HIF3A: variants seen among roughly 807,000 people sequenced by gnomAD.
HIF3A encodes the protein hypoxia-inducible factor 3-alpha.
Under a neutral mutation model 67.2 loss-of-function variants are expected in HIF3A, and 41 were observed. The ratio of observed to expected loss-of-function variants is 0.61; its 90% CI spans 0.48 to 0.79. The LOEUF is 0.79. HIF3A is among the 30% of genes least tolerant of loss of function. HIF3A has a pLI of 0.00. For synonymous variants in HIF3A, 356 were observed against 374.8 expected (o/e 0.95, Z 0.58); for missense variants, 855 against 898.0 (o/e 0.95, Z 0.61).
intron 10 of HIF3A, among the ~76,000 whole-genome samples, 162 bp downstream of exon 10, chr19:46,322,128 A>G (rs568986695): frequency 6.6e-6 from 1 of 152,144 alleles, no homozygotes. Flanking sequence ...TAAGACGCAG[A>G]TCCAGATTTT....
chr19:46,338,558 G>C (rs1460711133), intron 14 of HIF3A: 2 of 1,103,554 alleles, frequency 1.8e-6, no homozygotes, highest in East Asian at 9.1e-5. Flanking sequence ...TGAGTATCCT[G>C]GTTTCCCAAG....
intron 12 of HIF3A, among the ~76,000 whole-genome samples, chr19:46,330,489 GGGATGGATGGAT>G (rs560533077): frequency 7.9e-5 from 12 of 151,410 alleles, no homozygotes; most frequent in East Asian, 1.9e-4. Context: ...GATGGATGGA[GGGATGGATGGAT>G]GGATGGATGG....
intron 1 of HIF3A, among the ~76,000 whole-genome samples, chr19:46,299,699 G>C (rs1968159936): frequency 8.3e-6 from 1 of 120,632 alleles, no homozygotes; most frequent in Non-Finnish European, 1.7e-5. Flanking sequence ...AACACAGCCG[G>C]ACCTTGTCGC....
At chr19:46,314,052 A>T (rs901392636) in intron 8 of HIF3A, among the ~76,000 whole-genome samples, 1 of 150,730 alleles carries the variant, frequency 6.6e-6, no homozygotes, top group African/African-American at 2.4e-5. Flanking sequence ...TTATCCATTC[A>T]CCAGTTAGAA....
rs1479722022 is a variant in HIF3A at position 46,323,256 on chromosome 19, T to A, written c.1335+1290T>A. Among the ~76,000 whole-genome samples, 5 of 151,712 alleles carry A rather than the reference T, an allele frequency of 3.3e-5. No individual in the cohort carries two copies. In the East Asian group the frequency reaches 9.7e-4, roughly 29 times the overall value. On this transcript the variant is annotated intron_variant, in intron 10 of 14. Transcript: ENST00000377670. The stretch of plus-strand genomic sequence containing the variant: ...AGTAGAGACGGGGTTTCACCATGTT[T>A]GTCAGGCTGGTCTCGAACTCCTGAC...
intron 14 of HIF3A, among the ~76,000 whole-genome samples, chr19:46,339,206 TA>T (rs898601516): frequency 1.4e-4 from 21 of 151,198 alleles, no homozygotes; most frequent in African/African-American, 4.8e-4. Flanking sequence ...CCACCTTATC[TA>T]AAAAAAAATC....
At chr19:46,325,962 T>G (rs1471354537) in intron 11 of HIF3A, among the ~76,000 whole-genome samples, 1 of 152,258 alleles carries the variant, frequency 6.6e-6, no homozygotes, top group East Asian at 1.9e-4. Context: ...AGTTATCTAC[T>G]GTTGTGTAAC....
Position 46,329,340 on chromosome 19 carries a change from G to A in HIF3A, c.1574G>A (p.Arg525Gln), listed in dbSNP as rs142248233. 8.3e-5 allele frequency: 134 copies of A among 1,613,222 alleles called. No homozygotes were observed. The highest frequency in any genetic ancestry group is 4.4e-4 in the African/African-American group (33 of 75,052). ...PLGAVPRPRA[R>Q]SFHGLSPPAL... ...GGGGCTGTCCCCCGGCCCCGTGCTC[G>A]GAGCTTCCATGGCCTGTCACCTCCA... is the stretch of plus-strand genomic sequence containing the variant. The change falls in exon 12 of 15, where the codon CGG (arginine) becomes CAG (glutamine). Residue 525 changes from arginine (R) to glutamine (Q), a missense_variant. Arg to Gln is a conservative substitution (Grantham distance 43). Coordinates refer to ENST00000377670, the MANE Select transcript of HIF3A (RefSeq NM_152795.4).
chr19:46,333,788 C>CTTTCTT (rs1971411178), intron 13 of HIF3A, among the ~76,000 whole-genome samples: 3 of 103,564 alleles, frequency 2.9e-5, no homozygotes, highest in African/African-American at 1.2e-4. Flanking sequence ...TTCTTTCTTT[C>CTTTCTT]TTTTTTTTTT....
Position 46,331,277 on chromosome 19 carries a change from T to C in HIF3A, c.1830+4T>C, listed in dbSNP as rs376709961. The C allele has an allele frequency of 1.7e-5, 27 of 1,607,816 alleles. No homozygotes were observed. The highest frequency in any genetic ancestry group is 2.1e-5 in the Non-Finnish European group (25 of 1,174,618). ...TCTGCTCTTTCCTCTCAGCCTGGTG[T>C]GTTGGGGGATTAATGGGATTCTCTG... On this transcript the variant is annotated splice_donor_region_variant and intron_variant, in intron 13 of 14. Transcript: ENST00000377670.
At chr19:46,333,856 G>C (rs1418958258) in intron 13 of HIF3A, among the ~76,000 whole-genome samples, 6 of 133,134 alleles carry the variant, frequency 4.5e-5, no homozygotes, top group Admixed American at 8.1e-5. Flanking sequence ...GCAGTGGCGC[G>C]ATCTCGGCTC....
chr19:46,318,151 A>G (rs977659207), intron 8 of HIF3A, among the ~76,000 whole-genome samples: 1 of 151,308 alleles, frequency 6.6e-6, no homozygotes, highest in African/African-American at 2.4e-5. Context: ...TAGTATTACC[A>G]CTATCTAACC....
rs577411306 is a variant in HIF3A at position 46,320,915 on chromosome 19, C to T, written c.1144+354C>T. Among the ~76,000 whole-genome samples the T allele has an allele frequency of 2.0e-5, 3 of 152,270 alleles. 1 individual carries two copies. The highest frequency in any genetic ancestry group is 6.5e-5 in the Admixed American group (1 of 15,292). On this transcript the variant is annotated intron_variant, in intron 9 of 14. Coordinates refer to ENST00000377670, the MANE Select transcript of HIF3A (RefSeq NM_152795.4). ...CCTCTTCCCTGTTCTGGCTTTGCTG[C>T]TCTTTGGCTTCCAGTAATCTCGATC... is the stretch of plus-strand genomic sequence containing the variant.
intron 10 of HIF3A, among the ~76,000 whole-genome samples, chr19:46,324,979 C>T (rs867933321): frequency 8.8e-5 from 10 of 113,190 alleles, no homozygotes; most frequent in Non-Finnish European, 1.0e-4. Flanking sequence ...CACACACACA[C>T]ATATATTGTG....
chr19:46,310,299 G>A (rs1034393419), intron 6 of HIF3A, among the ~76,000 whole-genome samples: 3 of 151,806 alleles, frequency 2.0e-5, no homozygotes, highest in Admixed American at 1.3e-4. Context: ...GGAGGCTGAA[G>A]TGGGAGGAAT....
At chr19:46,298,895 C>G (rs534286759) in intron 1 of HIF3A, among the ~76,000 whole-genome samples, 4 of 152,210 alleles carry the variant, frequency 2.6e-5, no homozygotes, top group South Asian at 2.1e-4. Context: ...GACGCCCCCC[C>G]CCAATACCCA....
intron 1 of HIF3A, chr19:46,303,566 C>A: frequency 1.3e-6 from 2 of 1,492,548 alleles, no homozygotes; most frequent in Non-Finnish European, 1.8e-6. Context: ...CCTCCCTGTC[C>A]CCCAGGCGTC....
At chr19:46,318,016 A>G (rs559160000) in intron 8 of HIF3A, among the ~76,000 whole-genome samples, 1 of 152,102 alleles carries the variant, frequency 6.6e-6, no homozygotes, top group South Asian at 2.1e-4. Flanking sequence ...TTGTATTTTT[A>G]GTAGAGATGG....
Position 46,333,732 on chromosome 19 carries a change from T to A in HIF3A, c.1831-1173T>A, listed in dbSNP as rs76014548. Among the ~76,000 whole-genome samples, 47 of 151,976 alleles carry A rather than the reference T, an allele frequency of 3.1e-4. No individual in the cohort carries two copies. The East Asian group carries it at 9.1e-3, about 29-fold the overall frequency. On this transcript the variant is annotated intron_variant, in intron 13 of 14. Transcript: ENST00000377670. Reference sequence around the variant, plus strand: ...CATCTTGTCTTTGGATATATATTTTTTTCCTTCCTTTCTTTTTCTTTTCTT... The same window carrying A: ...CATCTTGTCTTTGGATATATATTTTATTCCTTCCTTTCTTTTTCTTTTCTT...
Sources: allele counts gnomAD v4.1 joint callset (sites outside exome capture counted in the v4.1 genomes callset), GRCh38; gene constraint gnomAD v4.1.1; transcripts MANE v1.5; gene names NCBI Gene and HGNC (gene_info 2026-07-23, HGNC 2026-07-21).